OTUD5: variants seen among roughly 807,000 people sequenced by gnomAD.
The protein encoded by OTUD5 is OTU deubiquitinase 5.
A neutral mutation model predicts 36.3 loss-of-function variants in OTUD5; 2 were observed. That is an observed-to-expected ratio of 0.06 (90% CI 0.02 to 0.17). OTUD5 has a LOEUF of 0.17. Ranked by LOEUF, OTUD5 falls within the 10% of genes least tolerant of loss-of-function variation. OTUD5 has a pLI of 1.00. For missense variants in OTUD5, 233 were observed against 512.3 expected (o/e 0.45, Z 5.26); for synonymous variants, 234 against 214.9 (o/e 1.09, Z -0.78).
intron 5 of OTUD5, among the ~76,000 whole-genome samples, chrX:48,927,061 TTC>T (rs782166304): frequency 2.7e-5 from 3 of 112,203 alleles, no homozygotes; most frequent in Non-Finnish European, 5.6e-5. Flanking sequence ...ATGTATTCTT[TTC>T]TTTTTCCTGC....
intron 1 of OTUD5, 88 bp downstream of exon 1, chrX:48,956,889 G>A: frequency 1.0e-6 from 1 of 965,515 alleles, no homozygotes; most frequent in Non-Finnish European, 1.3e-6. Flanking sequence ...ATCCCTTGGG[G>A]CGATCTCAAA....
chrX:48,941,193 G>A (rs189142350), intron 2 of OTUD5, among the ~76,000 whole-genome samples: 4 of 110,829 alleles, frequency 3.6e-5, no homozygotes, highest in East Asian at 2.8e-4. Context: ...AACACTTTGG[G>A]AGGCCAAAGC....
chrX:48,929,062 A>G (rs782323104), intron 5 of OTUD5, among the ~76,000 whole-genome samples: 1 of 111,188 alleles, frequency 9.0e-6, no homozygotes, highest in Admixed American at 9.7e-5. Context: ...TGTACAACAC[A>G]AAGAGTGGAC....
intron 2 of OTUD5, among the ~76,000 whole-genome samples, chrX:48,937,269 C>T (rs187922857): frequency 8.9e-6 from 1 of 112,119 alleles, no homozygotes; most frequent in East Asian, 2.8e-4. Context: ...CCACAGAGCC[C>T]GCACAGTGAG....
chrX:48,939,111 CAG>C (rs782616464), intron 2 of OTUD5, among the ~76,000 whole-genome samples: 1 of 112,027 alleles, frequency 8.9e-6, no homozygotes, highest in East Asian at 2.8e-4. Context: ...CCAGGAGACA[CAG>C]AAATGTGGCA....
intron 1 of OTUD5, among the ~76,000 whole-genome samples, chrX:48,951,596 C>G: frequency 9.1e-6 from 1 of 109,813 alleles, no homozygotes; most frequent in South Asian, 3.9e-4. Flanking sequence ...GCCTGGGGGA[C>G]AGAGTGAGAC....
At chrX:48,928,186 G>C (rs2063695683) in intron 5 of OTUD5, among the ~76,000 whole-genome samples, 1 of 112,227 alleles carries the variant, frequency 8.9e-6, no homozygotes, top group Admixed American at 9.5e-5. Context: ...AAATAATACA[G>C]CCACTTGGGA....
intron 6 of OTUD5, among the ~76,000 whole-genome samples, chrX:48,924,443 C>T (rs782745270): frequency 1.8e-5 from 2 of 111,575 alleles, no homozygotes; most frequent in East Asian, 2.8e-4. Context: ...GCAGGCAAGG[C>T]GATCTTATTA....
At chrX:48,926,762 C>G (rs2063672859) in intron 5 of OTUD5, among the ~76,000 whole-genome samples, 1 of 110,731 alleles carries the variant, frequency 9.0e-6, no homozygotes, top group African/African-American at 3.3e-5. Context: ...TATGTGTGCA[C>G]CGGGTGGAGG....
At position 48,931,647 on chromosome X, in the gene OTUD5, T is replaced by G. The variant is rs1019425578; in HGVS notation, c.1059+2817A>C. Among the ~76,000 whole-genome samples the G allele has an allele frequency of 6.5e-5, 7 of 107,186 alleles. No homozygotes were observed. In the Admixed American group the frequency reaches 7.1e-4, roughly 11 times the overall value. The allele number at this position is 107,186 out of a possible 115,157, so 93.1% of individuals were successfully genotyped here. On this transcript the variant is annotated intron_variant, in intron 5 of 8. Coordinates refer to ENST00000376488, the MANE Select transcript of OTUD5 (RefSeq NM_001136157.2). ...TAGAAAAATTAGCCAGGTGTGGTGG[T>G]GGGCACCTGTAATCCCAGCTACTTG...
chrX:48,934,444 G>A lies in OTUD5; in HGVS notation c.1059+20C>T. Reference sequence around the variant, plus strand: ...GACCTCTATATCCAGCAGCCATTCTGGGCACAGGGACCCACTCACCCCTGG... The same window carrying A: ...GACCTCTATATCCAGCAGCCATTCTAGGCACAGGGACCCACTCACCCCTGG... On this transcript the variant is annotated intron_variant, in intron 5 of 8. Coordinates refer to ENST00000376488, the MANE Select transcript of OTUD5 (RefSeq NM_001136157.2). 1 of 1,200,055 alleles carries A rather than the reference G, an allele frequency of 8.3e-7. No homozygotes were observed. The highest frequency in any genetic ancestry group is 2.2e-5 in the Admixed American group (1 of 45,533).
At chrX:48,938,236 C>T (rs1162368899) in intron 2 of OTUD5, among the ~76,000 whole-genome samples, 1 of 111,363 alleles carries the variant, frequency 9.0e-6, no homozygotes, top group African/African-American at 3.3e-5. Context: ...TAAGGTATAC[C>T]CTAAGTTTGG....
rs1352862740 is a variant in OTUD5 at position 48,953,953 on chromosome X, TGGGGTGGCA to T, written c.594+3015_594+3023del. ...CCTAGTGACAGTTTAGGACCAAGAC[TGGGGTGGCA>T]GGAGGAATCTTCCCTCTTCTCATCC... is the stretch of plus-strand genomic sequence containing the variant. On this transcript the variant is annotated intron_variant, in intron 1 of 8. Transcript: ENST00000376488. 2.7e-5 allele frequency among the ~76,000 whole-genome samples: 3 copies of T among 110,458 alleles called. No individual in the cohort carries two copies. The East Asian group carries it at 8.5e-4, about 31-fold the overall frequency.
intron 5 of OTUD5, among the ~76,000 whole-genome samples, chrX:48,931,875 G>A (rs992957569): frequency 5.5e-5 from 6 of 108,642 alleles, no homozygotes; most frequent in Non-Finnish European, 9.5e-5. Context: ...ACTGGGCTGG[G>A]CGCGTTGGCT....
At chrX:48,929,112 G>A (rs1357509927) in intron 5 of OTUD5, among the ~76,000 whole-genome samples, 3 of 111,788 alleles carry the variant, frequency 2.7e-5, no homozygotes, top group Non-Finnish European at 5.6e-5. Flanking sequence ...GGAAGGCTGG[G>A]CACGGTGGCT....
At chrX:48,951,693 A>G (rs2064149973) in intron 1 of OTUD5, among the ~76,000 whole-genome samples, 1 of 111,964 alleles carries the variant, frequency 8.9e-6, no homozygotes, top group Non-Finnish European at 1.9e-5. Flanking sequence ...CAAGCCCTCC[A>G]GGGCAGAAGG....
In OTUD5 at chrX:48,950,217, G is replaced by A. The variant is rs1602425463; in HGVS notation, c.595-5934C>T. On this transcript the variant is annotated intron_variant, in intron 1 of 8. Coordinates refer to ENST00000376488, the MANE Select transcript of OTUD5 (RefSeq NM_001136157.2). Reference sequence around the variant, plus strand: ...CTTACATTATTAAATCTGGAGATGGGGGGTTATCTTAGAGTATCAGGTAGG... The same window carrying A: ...CTTACATTATTAAATCTGGAGATGGAGGGTTATCTTAGAGTATCAGGTAGG... Among the ~76,000 whole-genome samples, 3 of 111,308 alleles carry A rather than the reference G, an allele frequency of 2.7e-5. No homozygotes were observed. The East Asian group carries it at 8.4e-4, about 31-fold the overall frequency.
At chrX:48,924,707 G>A (rs1024502768) in intron 6 of OTUD5, among the ~76,000 whole-genome samples, 6 of 111,903 alleles carry the variant, frequency 5.4e-5, no homozygotes, top group Non-Finnish European at 1.1e-4. Flanking sequence ...CTCACCTTCT[G>A]CAAGGCTCAA....
At chrX:48,954,596 C>A (rs1410365744) in intron 1 of OTUD5, among the ~76,000 whole-genome samples, 1 of 111,296 alleles carries the variant, frequency 9.0e-6, no homozygotes. Context: ...GGACCAAGAA[C>A]AAGGAGCTCA....
Sources: gnomAD v4.1 joint callset for allele counts (sites outside exome capture counted in the v4.1 genomes callset) on GRCh38, gnomAD v4.1.1 for gene constraint, MANE v1.5 for transcripts, NCBI Gene and HGNC (gene_info 2026-07-23, HGNC 2026-07-21) for gene names.